The following ANKRD12 variants were observed in gnomAD, a reference collection of about 807,000 sequenced individuals.
The protein encoded by ANKRD12 is ankyrin repeat domain-containing protein 12.
A neutral mutation model predicts 183.4 loss-of-function variants in ANKRD12; 85 were observed. The ratio of observed to expected loss-of-function variants is 0.46; its 90% confidence interval spans 0.39 to 0.56. The LOEUF (loss-of-function observed/expected upper bound fraction) is 0.56. ANKRD12 is among the 20% of genes least tolerant of loss of function. The pLI is 0.00. For synonymous variants in ANKRD12, 914 were observed against 800.2 expected (o/e 1.14, Z -2.40); for missense variants, 2,405 against 2,357.1 (o/e 1.02, Z -0.42).
At chr18:9,139,126 TC>T (rs2078229855) in intron 1 of ANKRD12, among the ~76,000 whole-genome samples, 1 of 152,228 alleles carries the variant, frequency 6.6e-6, no homozygotes, top group African/African-American at 2.4e-5. Flanking sequence ...GGGTGTGTAT[TC>T]CATGAAGAAT....
intron 3 of ANKRD12, among the ~76,000 whole-genome samples, chr18:9,203,825 G>C (rs983269077): frequency 5.3e-5 from 8 of 152,134 alleles, no homozygotes; most frequent in African/African-American, 1.9e-4. Context: ...GACTGGTCTT[G>C]AACTTCTGAC....
At chr18:9,166,725 G>C (rs1376121633) in intron 1 of ANKRD12, among the ~76,000 whole-genome samples, 1 of 152,032 alleles carries the variant, frequency 6.6e-6, no homozygotes, top group Non-Finnish European at 1.5e-5. Context: ...AGTTTAATTA[G>C]ATCCCATTTG....
chr18:9,271,149 G>A (rs2039581790), intron 10 of ANKRD12, among the ~76,000 whole-genome samples: 1 of 152,116 alleles, frequency 6.6e-6, no homozygotes, highest in African/African-American at 2.4e-5. Context: ...ATGGCTCACT[G>A]CAGCCTCAAC....
chr18:9,240,741 A>G (rs1249112679), intron 8 of ANKRD12, among the ~76,000 whole-genome samples: 2 of 152,322 alleles, frequency 1.3e-5, no homozygotes, highest in East Asian at 3.9e-4. Context: ...AAAATGCTCC[A>G]TTAATAAATA....
Position 9,188,413 on chromosome 18 carries a change from A to G in ANKRD12, c.87+5894A>G, listed in dbSNP as rs988876058. Among the ~76,000 whole-genome samples the G allele has an allele frequency of 2.0e-5, 3 of 152,220 alleles. No individual in the cohort carries two copies. In the East Asian group the frequency reaches 5.8e-4, roughly 29 times the overall value. On this transcript the variant is annotated intron_variant, in intron 2 of 12. Transcript: ENST00000262126. ...GAGGCTGTTTATCATACAAATACCC[A>G]TGAAAAGATAGTCCAGGACAAAGGA...
At chr18:9,247,066 G>A (rs879727268) in intron 8 of ANKRD12, among the ~76,000 whole-genome samples, 12 of 152,150 alleles carry the variant, frequency 7.9e-5, no homozygotes, top group Non-Finnish European at 8.8e-5. Flanking sequence ...ATTTTGAAGT[G>A]TGCCAAGACA....
At chr18:9,157,986 A>G (rs1598411849) in intron 1 of ANKRD12, among the ~76,000 whole-genome samples, 1 of 152,172 alleles carries the variant, frequency 6.6e-6, no homozygotes, top group Admixed American at 6.5e-5. Context: ...GATTTGAGGT[A>G]GAGATAAAGG....
At chr18:9,168,601 C>G (rs1477530871) in intron 1 of ANKRD12, among the ~76,000 whole-genome samples, 17 of 152,030 alleles carry the variant, frequency 1.1e-4, no homozygotes, top group Admixed American at 1.1e-3. Context: ...CTATTTGATT[C>G]TTTTCTCTTT....
intron 3 of ANKRD12, among the ~76,000 whole-genome samples, chr18:9,199,119 CCTATAT>C (rs1324683670): frequency 4.6e-5 from 7 of 151,920 alleles, no homozygotes; most frequent in Admixed American, 1.3e-4. Flanking sequence ...AGAGTGAGAC[CCTATAT>C]CTATAAGAAA....
Position 9,256,322 on chromosome 18 carries a change from A to C in ANKRD12, c.3055A>C (p.Lys1019Gln), listed in dbSNP as rs375246971. Residue 1019 changes from lysine to glutamine, a missense_variant, in exon 9 of 13, where the codon AAA (lysine) becomes CAA (glutamine). Lys to Gln is a moderately conservative substitution (Grantham distance 53, BLOSUM62 1). Coordinates refer to ENST00000262126, the MANE Select transcript of ANKRD12 (RefSeq NM_015208.5). Reference sequence around the variant, plus strand: ...AACTCCAGATGGAAAAGAAAAAGATAAAAAAGATAAAGATATAGATAGATA... The same window carrying C: ...AACTCCAGATGGAAAAGAAAAAGATCAAAAAGATAAAGATATAGATAGATA... Reference protein sequence around the residue: ...LKTPDGKEKDKKDKDIDRYKE... With the variant: ...LKTPDGKEKDQKDKDIDRYKE... The C allele has an allele frequency of 2.3e-5, 37 of 1,591,160 alleles. No homozygotes were observed. Among genetic ancestry groups the C allele is most frequent in the Middle Eastern group, 1.7e-4 (1 of 5,754 alleles).
In ANKRD12 at chr18:9,245,499, ATTGT is replaced by A. The variant is rs570931653; in HGVS notation, c.944-8709_944-8706del. 1.3e-4 allele frequency among the ~76,000 whole-genome samples: 20 copies of A among 152,234 alleles called. No individual in the cohort carries two copies. In the South Asian group the frequency reaches 4.1e-3, roughly 32 times the overall value. On this transcript the variant is annotated intron_variant, in intron 8 of 12. Transcript: ENST00000262126. The stretch of plus-strand genomic sequence containing the variant: ...ACCAGTTTATAATCACTAGTTTGTA[ATTGT>A]TTAAGGTCAAGGCATGACTTTTTTC...
intron 1 of ANKRD12, among the ~76,000 whole-genome samples, chr18:9,149,578 G>A (rs1239895307): frequency 2.0e-5 from 3 of 152,060 alleles, no homozygotes; most frequent in African/African-American, 7.2e-5. Context: ...AAGTTTTATA[G>A]TGCTTATTTT....
intron 8 of ANKRD12, among the ~76,000 whole-genome samples, chr18:9,240,241 T>G (rs889426919): frequency 6.6e-6 from 1 of 152,224 alleles, no homozygotes; most frequent in Non-Finnish European, 1.5e-5. Context: ...ATGTCCTGAT[T>G]AATACAGCTT....
At chr18:9,204,341 T>C (rs1281128175) in intron 3 of ANKRD12, 135 bp from the exon 4 acceptor site, 6 of 673,286 alleles carry the variant, frequency 8.9e-6, no homozygotes, top group Non-Finnish European at 1.5e-5. Flanking sequence ...ATTTTGGCTT[T>C]ACTTTAAAAA....
intron 2 of ANKRD12, among the ~76,000 whole-genome samples, chr18:9,185,976 A>G (rs948522798): frequency 2.0e-5 from 3 of 152,196 alleles, no homozygotes; most frequent in East Asian, 1.9e-4. Flanking sequence ...TGAAGATTAT[A>G]TTTGTGGAAA....
intron 1 of ANKRD12, among the ~76,000 whole-genome samples, chr18:9,157,705 C>T (rs535160945): frequency 4.7e-5 from 7 of 149,388 alleles, no homozygotes; most frequent in African/African-American, 1.5e-4. Context: ...CTGGTTCAAG[C>T]GATTCTTTTG....
At chr18:9,195,417 TC>T in intron 2 of ANKRD12, 133 bp from the exon 3 acceptor site, 1 of 457,880 alleles carries the variant, frequency 2.2e-6, no homozygotes, top group Non-Finnish European at 3.6e-6. Flanking sequence ...TGAAGCTGGG[TC>T]TTGAGTACAT....
rs2038579503 is a variant in ANKRD12 at position 9,255,831 on chromosome 18, A to G, written c.2564A>G (p.Lys855Arg). The G allele has an allele frequency of 6.3e-7, 1 of 1,578,348 alleles. No individual in the cohort carries two copies. The highest frequency in any genetic ancestry group is 8.5e-7 in the Non-Finnish European group (1 of 1,170,424). Residue 855 changes from lysine (K) to arginine (R), a missense_variant, in exon 9 of 13, where the codon AAA becomes AGA. By Grantham distance (26) the Lys-to-Arg change is conservative. Coordinates refer to ENST00000262126, the MANE Select transcript of ANKRD12 (RefSeq NM_015208.5). Reference protein sequence around the residue: ...KKIKHEHKSEKDKLDLSECVD... With the variant: ...KKIKHEHKSERDKLDLSECVD... Reference sequence around the variant, plus strand: ...ATAAAACATGAGCATAAGTCAGAAAAAGACAAATTAGATCTTAGTGAATGT... The same window carrying G: ...ATAAAACATGAGCATAAGTCAGAAAGAGACAAATTAGATCTTAGTGAATGT...
chr18:9,184,859 A>G (rs543854275), intron 2 of ANKRD12, among the ~76,000 whole-genome samples: 34 of 152,182 alleles, frequency 2.2e-4, no homozygotes, highest in Non-Finnish European at 4.4e-4. Context: ...CTTAAATGTT[A>G]TTATGAAGAT....
Sources: allele counts gnomAD v4.1 joint callset (sites outside exome capture counted in the v4.1 genomes callset), GRCh38; gene constraint gnomAD v4.1.1; transcripts MANE v1.5; gene names NCBI Gene and HGNC (gene_info 2026-07-23, HGNC 2026-07-21).